The following TDRD12 variants were observed in gnomAD, a reference collection of about 807,000 sequenced individuals.
The protein encoded by TDRD12 is tudor domain containing 12, also known as putative ATP-dependent RNA helicase TDRD12.
TDRD12 carries 158 observed loss-of-function variants against 133.5 expected under a neutral mutation model. The observed-to-expected ratio is 1.18, with a 90% CI of 1.04 to 1.35. TDRD12 has a LOEUF of 1.35. TDRD12 is among the 40% of genes most tolerant of loss of function. The probability of loss-of-function intolerance (pLI) is 0.00; values close to 1 mark genes in which losing one functional copy is unlikely to be tolerated. For missense variants in TDRD12, 1,443 were observed against 1,321.3 expected (o/e 1.09, Z -1.43); for synonymous variants, 460 against 477.9 (o/e 0.96, Z 0.49).
At position 32,800,636 on chromosome 19, in the gene TDRD12, A is replaced by G. The variant is rs925535815; in HGVS notation, c.1951-8A>G. 2.0e-6 allele frequency: 3 copies of G among 1,531,190 alleles called. No individual in the cohort carries two copies. Among genetic ancestry groups the G allele is most frequent in the African/African-American group, 2.7e-5 (2 of 72,756 alleles). The allele number at this position is 1,531,190 out of a possible 1,614,324, so 94.9% of individuals were successfully genotyped here. A position where few individuals can be genotyped will look rare whatever the true frequency, so the allele number is the denominator to read the frequency against. On this transcript the variant is annotated splice_polypyrimidine_tract_variant and splice_region_variant and intron_variant, in intron 17 of 27. Coordinates refer to ENST00000444215, the Ensembl canonical transcript of TDRD12. ...AAAAGTCACATTGTTTCTGTGCTTC[A>G]TTACCAGGTAGTACATCTTTGCCTA...
chr19:32,800,748 A>T lies in TDRD12; in HGVS notation c.2055A>T (p.Val685=), dbSNP rs771832518. ...AGACCTTGATCTTCACCTGCTCTGTAGCTGAAACAGAAATAGTGTGTAAGG... is the reference window on the plus strand; with the variant it reads ...AGACCTTGATCTTCACCTGCTCTGTTGCTGAAACAGAAATAGTGTGTAAGG... The change falls in exon 18 of 28, where the codon GTA becomes GTT. Residue 685 remains valine (V), a synonymous_variant. Coordinates refer to ENST00000444215, the Ensembl canonical transcript of TDRD12. 2.0e-6 allele frequency: 3 copies of T among 1,535,048 alleles called. No homozygotes were observed. The Admixed American group carries it at 5.9e-5, about 30-fold the overall frequency.
At chr19:32,747,678 A>C (rs1969693723) in intron 4 of TDRD12, among the ~76,000 whole-genome samples, 2 of 152,112 alleles carry the variant, frequency 1.3e-5, no homozygotes, top group Admixed American at 6.6e-5. Context: ...AGCCAGTGAG[A>C]GGGCGCTAGG....
chr19:32,767,971 AAG>A (rs1485374013), intron 8 of TDRD12, among the ~76,000 whole-genome samples: 2 of 152,250 alleles, frequency 1.3e-5, no homozygotes, highest in Non-Finnish European at 2.9e-5. Context: ...TCCAGAGAGA[AAG>A]AATATTTTGT....
At chr19:32,822,382 A>C (rs1416138229), downstream of TDRD12, among the ~76,000 whole-genome samples, 1 of 152,212 alleles carries the variant, frequency 6.6e-6, no homozygotes, top group African/African-American at 2.4e-5. Flanking sequence ...CAGTGAGCCA[A>C]GATTGTACCA....
chr19:32,794,234 T>C (rs1971156791), intron 13 of TDRD12, among the ~76,000 whole-genome samples: 1 of 150,472 alleles, frequency 6.6e-6, no homozygotes, highest in Admixed American at 6.7e-5. Flanking sequence ...GCCTCCAGAG[T>C]AGCTGGGATT....
intron 1 of TDRD12, among the ~76,000 whole-genome samples, chr19:32,725,146 C>T (rs1968818067): frequency 6.6e-6 from 1 of 151,916 alleles, no homozygotes. Context: ...AAATTTTCTC[C>T]CATTCTGTAG....
chr19:32,806,955 C>A (rs1272483144), intron 21 of TDRD12, among the ~76,000 whole-genome samples: 3 of 152,208 alleles, frequency 2.0e-5, no homozygotes, highest in Non-Finnish European at 2.9e-5. Context: ...AGCCACTGTG[C>A]TCGGCCTCAA....
exon 4 of TDRD12, chr19:32,742,857 G>A (rs1459628583): frequency 9.7e-6 from 15 of 1,551,672 alleles, no homozygotes; most frequent in Non-Finnish European, 1.3e-5. Context: ...CACAAAGCCT[G>A]TCACATTACA....
chr19:32,732,305 AGT>A (rs1373085587), intron 2 of TDRD12, among the ~76,000 whole-genome samples: 1 of 152,102 alleles, frequency 6.6e-6, no homozygotes, highest in Non-Finnish European at 1.5e-5. Flanking sequence ...GTGCCCAGCC[AGT>A]GTAAGGTTCT....
At chr19:32,781,699 C>G (rs1970771451) in intron 11 of TDRD12, among the ~76,000 whole-genome samples, 1 of 151,792 alleles carries the variant, frequency 6.6e-6, no homozygotes, top group Non-Finnish European at 1.5e-5. Flanking sequence ...CTCTCTCTCT[C>G]TCTCTCTCTC....
At chr19:32,810,202 A>G (rs1966953316) in exon 23 of TDRD12, 1 of 1,535,982 alleles carries the variant, frequency 6.5e-7, no homozygotes, top group Non-Finnish European at 8.7e-7. Context: ...TATTTTAAGG[A>G]TTCTAATAAA....
At chr19:32,810,166 C>T in exon 23 of TDRD12, 1 of 1,535,080 alleles carries the variant, frequency 6.5e-7, no homozygotes. Flanking sequence ...GATCTTTATG[C>T]AACTCTCAAT....
intron 1 of TDRD12, among the ~76,000 whole-genome samples, chr19:32,729,791 T>C (rs57564516): frequency 1.6e-5 from 2 of 122,712 alleles, no homozygotes; most frequent in African/African-American, 7.0e-5. Flanking sequence ...TTTTTTTTTT[T>C]TTTTTTTTTT....
At chr19:32,779,348 T>C (rs1970697086) in intron 11 of TDRD12, among the ~76,000 whole-genome samples, 1 of 152,184 alleles carries the variant, frequency 6.6e-6, no homozygotes, top group African/African-American at 2.4e-5. Flanking sequence ...CTCAAGCCTG[T>C]AAGTACCAGT....
At chr19:32,826,516 A>C (rs1967594980) in exon 9 of TDRD12, 2 of 1,250,576 alleles carry the variant, frequency 1.6e-6, no homozygotes, top group East Asian at 6.1e-5. Context: ...GATGACTGCC[A>C]ATGTGTGATT....
At chr19:32,756,796 A>AAG (rs1383559180) in intron 7 of TDRD12, among the ~76,000 whole-genome samples, 5 of 152,258 alleles carry the variant, frequency 3.3e-5, no homozygotes. Context: ...CTTTAAAAAA[A>AAG]AGAGCTATTT....
intron 11 of TDRD12, among the ~76,000 whole-genome samples, chr19:32,780,701 C>T (rs1485759508): frequency 6.6e-6 from 1 of 152,106 alleles, no homozygotes; most frequent in East Asian, 1.9e-4. Context: ...TGCTGCGGAG[C>T]TCTGCAGTCA....
At chr19:32,731,305 A>G (rs1288211639) in intron 1 of TDRD12, among the ~76,000 whole-genome samples, 1 of 152,114 alleles carries the variant, frequency 6.6e-6, no homozygotes, top group Admixed American at 6.6e-5. Context: ...CTGTAATCCT[A>G]GCACTTAGGG....
chr19:32,748,391 T>C, intron 4 of TDRD12, 85 bp from the exon 5 acceptor site: 1 of 1,320,086 alleles, frequency 7.6e-7, no homozygotes, highest in Non-Finnish European at 1.0e-6. Flanking sequence ...GTGTGAGAAA[T>C]GTCCAGTGCA....
Sources: allele counts gnomAD v4.1 joint callset (sites outside exome capture counted in the v4.1 genomes callset), GRCh38; gene constraint gnomAD v4.1.1; transcripts MANE v1.5; gene names NCBI Gene and HGNC (gene_info 2026-07-23, HGNC 2026-07-21).